Variants in PDE8B observed in about 807,000 individuals in gnomAD.
PDE8B encodes phosphodiesterase 8B, also known as high affinity cAMP-specific and IBMX-insensitive 3',5'-cyclic phosphodiesterase 8B.
PDE8B carries 26 observed loss-of-function variants against 101.3 expected under a neutral mutation model. That is an observed-to-expected ratio of 0.26 (90% CI 0.19 to 0.36). The LOEUF (loss-of-function observed/expected upper bound fraction) is 0.36, where lower values mean the gene tolerates loss of function less well. Among genes scored for constraint, PDE8B ranks in the 10% least tolerant of loss-of-function variants. The pLI is 1.00. For synonymous variants in PDE8B, 424 were observed against 429.3 expected, an observed-to-expected ratio of 0.99 and a Z score of 0.15; for missense variants, 810 against 1,163.1, an observed-to-expected ratio of 0.70 and a Z score of 4.42.
intron 10 of PDE8B, among the ~76,000 whole-genome samples, chr5:77,384,901 CG>C (rs1788230826): frequency 6.6e-6 from 1 of 152,122 alleles, no homozygotes; most frequent in African/African-American, 2.4e-5. Flanking sequence ...ATTTTCGCAT[CG>C]CTGTTCATCA....
intron 2 of PDE8B, 41 bp from the exon 3 acceptor site, chr5:77,325,498 A>T (rs1775882873): frequency 1.3e-6 from 2 of 1,575,518 alleles, no homozygotes; most frequent in Non-Finnish European, 1.7e-6. Context: ...GTCTCTATGG[A>T]TGATGATTTA....
intron 10 of PDE8B, 86 bp downstream of exon 10, chr5:77,353,492 T>C: frequency 1.2e-6 from 1 of 841,702 alleles, no homozygotes; most frequent in East Asian, 2.4e-5. Context: ...TGTTCTCTGC[T>C]TGTCTTTCTC....
chr5:77,418,197 G>GT, intron 17 of PDE8B, 32 bp from the exon 18 acceptor site: 1 of 1,369,464 alleles, frequency 7.3e-7, no homozygotes, highest in South Asian at 1.2e-5. Context: ...GATCCAGTGG[G>GT]TAATGCTCAA....
the PDE8B span, chr5:77,105,456 T>C: frequency 1.3e-5 from 2 of 152,200 alleles, no homozygotes; most frequent in Non-Finnish European, 2.9e-5. Flanking sequence ...GCACATTTAA[T>C]GTAGGTTAAG....
chr5:77,382,769 C>CT (rs571751242), intron 10 of PDE8B, among the ~76,000 whole-genome samples: 6 of 152,212 alleles, frequency 3.9e-5, no homozygotes, highest in South Asian at 2.1e-4. Flanking sequence ...TGAACTCATC[C>CT]TTTTTTTATG....
chr5:77,227,812 A>G (rs1005454685), intron 1 of PDE8B, among the ~76,000 whole-genome samples: 2 of 152,228 alleles, frequency 1.3e-5, no homozygotes, highest in Admixed American at 6.5e-5. Flanking sequence ...AAGCACCTGC[A>G]TTAGATTTAA....
At chr5:77,205,165 A>G in the PDE8B span, among the ~76,000 whole-genome samples, 1 of 152,104 alleles carries the variant, frequency 6.6e-6, no homozygotes, top group African/African-American at 2.4e-5. Context: ...TCCAAGTTTC[A>G]TGATGTTGAC....
chr5:77,266,466 G>GATGT (rs1454316445), intron 1 of PDE8B, among the ~76,000 whole-genome samples: 5 of 152,210 alleles, frequency 3.3e-5, no homozygotes, highest in Admixed American at 1.3e-4. Context: ...AGAAGGCTGT[G>GATGT]ATGTGCCTTT....
chr5:77,124,277 A>G, the PDE8B span, among the ~76,000 whole-genome samples: 1 of 152,182 alleles, frequency 6.6e-6, no homozygotes, highest in Non-Finnish European at 1.5e-5. Flanking sequence ...TTATCAGACA[A>G]GAAGGTTAAT....
chr5:77,197,063 G>C, the PDE8B span, among the ~76,000 whole-genome samples: 15,970 of 149,762 alleles, frequency 0.11, 2,132 homozygotes, highest in African/African-American at 0.31. Context: ...TGTTTATTGA[G>C]CAGTCTTGCT....
the PDE8B span, among the ~76,000 whole-genome samples, chr5:77,134,815 C>T: frequency 1.3e-5 from 2 of 152,108 alleles, no homozygotes; most frequent in African/African-American, 2.4e-5. Flanking sequence ...AGACAACTGG[C>T]GGCACTAGGG....
chr5:77,332,137 A>G (rs1166685907), intron 5 of PDE8B, among the ~76,000 whole-genome samples: 1 of 152,220 alleles, frequency 6.6e-6, no homozygotes, highest in African/African-American at 2.4e-5. Context: ...GAGAAGAAAG[A>G]GAAGAAAGGG....
At chr5:77,271,219 T>G (rs1010924338) in intron 1 of PDE8B, among the ~76,000 whole-genome samples, 2 of 152,386 alleles carry the variant, frequency 1.3e-5, no homozygotes, top group Admixed American at 1.3e-4. Context: ...TGGTTCCTTT[T>G]CTTTCTTCTT....
chr5:77,198,315 T>G, the PDE8B span, among the ~76,000 whole-genome samples: 1 of 152,208 alleles, frequency 6.6e-6, no homozygotes. Context: ...CTCTGTAAAC[T>G]GTTTGCTTAC....
At chr5:77,102,009 A>C in the PDE8B span, among the ~76,000 whole-genome samples, 5 of 152,186 alleles carry the variant, frequency 3.3e-5, no homozygotes, top group African/African-American at 1.2e-4. Context: ...CTAAAAAGGT[A>C]AATTTTATTT....
chr5:77,123,047 C>T, the PDE8B span, among the ~76,000 whole-genome samples: 1 of 152,158 alleles, frequency 6.6e-6, no homozygotes, highest in Non-Finnish European at 1.5e-5. Context: ...ATTTATAAGG[C>T]AGAGCACCTG....
chr5:77,140,139 C>G, the PDE8B span: 1 of 152,216 alleles, frequency 6.6e-6, no homozygotes, highest in African/African-American at 2.4e-5. Flanking sequence ...TCTAATGTTT[C>G]TTGGTATTTC....
rs1561687786 is a variant in PDE8B at position 77,418,542 on chromosome 5, C to T, written c.2129+96C>T. The T allele has an allele frequency of 3.6e-6, 3 of 830,162 alleles. No homozygotes were observed. In the East Asian group the frequency reaches 7.9e-5, roughly 22 times the overall value. 51.4% of individuals were successfully genotyped at this position (830,162 alleles called of 1,614,324 possible). A position where few individuals can be genotyped will look rare whatever the true frequency, so the allele number is the denominator to read the frequency against. ...TCTTAGGGGAAAGGGAAAATATTAG[C>T]TGTCCCACTGTACCAGATGATAAAA... is the stretch of plus-strand genomic sequence containing the variant. On this transcript the variant is annotated intron_variant, in intron 18 of 21. Transcript: ENST00000264917.
chr5:77,123,356 T>TCCCACCCC, the PDE8B span, among the ~76,000 whole-genome samples: 1 of 145,842 alleles, frequency 6.9e-6, no homozygotes. Context: ...GTTGAATTCC[T>TCCCACCCC]CCCCCACCGC....
Sources: allele counts gnomAD v4.1 joint callset (sites outside exome capture counted in the v4.1 genomes callset), GRCh38; gene constraint gnomAD v4.1.1; transcripts MANE v1.5; gene names NCBI Gene and HGNC (gene_info 2026-07-23, HGNC 2026-07-21).